MMD2: variants seen among roughly 807,000 people sequenced by gnomAD.
MMD2 encodes monocyte to macrophage differentiation associated 2, also known as monocyte to macrophage differentiation factor 2.
A neutral mutation model predicts 33.5 loss-of-function variants in MMD2; 30 were observed. The ratio of observed to expected loss-of-function variants is 0.90; its 90% CI spans 0.67 to 1.22. The LOEUF is 1.22. Among genes scored for constraint, MMD2 ranks in the 50% most tolerant of loss-of-function variants. The probability of loss-of-function intolerance (pLI) is 0.00; values close to 1 mark genes in which losing one functional copy is unlikely to be tolerated. For missense variants in MMD2, 364 were observed against 325.4 expected, an observed-to-expected ratio of 1.12 and a Z score of -0.91; for synonymous variants, 129 against 123.0, an observed-to-expected ratio of 1.05 and a Z score of -0.32.
At chr7:4,939,060 A>G (rs1170243711) in intron 1 of MMD2, among the ~76,000 whole-genome samples, 1 of 152,148 alleles carries the variant, frequency 6.6e-6, no homozygotes. Flanking sequence ...ATACAAAACA[A>G]TTAGCTGAGC....
At chr7:4,938,202 G>T (rs1250426735) in intron 1 of MMD2, among the ~76,000 whole-genome samples, 4 of 151,098 alleles carry the variant, frequency 2.6e-5, no homozygotes, top group Admixed American at 6.6e-5. Context: ...GTAGAGACGG[G>T]GTTTTGCCAT....
At chr7:4,897,278 T>A in the MMD2 span, among the ~76,000 whole-genome samples, 2 of 136,066 alleles carry the variant, frequency 1.5e-5, no homozygotes, top group African/African-American at 3.3e-5. Context: ...GACATCTTGA[T>A]TTTTTTTTTT....
chr7:4,932,239 G>T (rs1785607720), intron 1 of MMD2, among the ~76,000 whole-genome samples: 1 of 152,132 alleles, frequency 6.6e-6, no homozygotes, highest in Non-Finnish European at 1.5e-5. Flanking sequence ...TGGCGGAGAG[G>T]GGAGAGGGAG....
At chr7:4,924,865 C>G (rs575052008) in intron 2 of MMD2, among the ~76,000 whole-genome samples, 1 of 152,042 alleles carries the variant, frequency 6.6e-6, no homozygotes, top group African/African-American at 2.4e-5. Context: ...CGTGGACAGA[C>G]GGGCTAGGAG....
chr7:4,924,170 G>T (rs1052383428), intron 2 of MMD2, among the ~76,000 whole-genome samples: 8 of 151,362 alleles, frequency 5.3e-5, no homozygotes, highest in Admixed American at 4.6e-4. Flanking sequence ...CCAGCCTGGG[G>T]AACAGAGCGA....
intron 1 of MMD2, among the ~76,000 whole-genome samples, chr7:4,930,597 T>C (rs1785554651): frequency 6.8e-6 from 1 of 146,770 alleles, no homozygotes; most frequent in African/African-American, 2.6e-5. Context: ...TGAGCCAAGA[T>C]CGTGCCACTG....
intron 1 of MMD2, among the ~76,000 whole-genome samples, chr7:4,936,901 AT>A (rs1297114582): frequency 6.6e-6 from 1 of 151,044 alleles, no homozygotes; most frequent in Non-Finnish European, 1.5e-5. Context: ...CACCTGGCTA[AT>A]TTTTTTTATT....
rs144487746 is a variant in MMD2, at chr7:4,906,123, G to C, written c.*1273C>G. 2.2e-3 allele frequency: 419 copies of C among 187,916 alleles called. 3 individuals are homozygous for C. Among genetic ancestry groups the C allele is most frequent in the African/African-American group, 8.4e-3 (362 of 43,158 alleles). The allele number at this position is 187,916 out of a possible 1,614,324, so 11.6% of individuals were successfully genotyped here. ...GTCTGTGCCCACTCCACCCTGGTTGGGAGTCGCAGAATGAGGACCTCCTGA... is the reference window on the plus strand; with the variant it reads ...GTCTGTGCCCACTCCACCCTGGTTGCGAGTCGCAGAATGAGGACCTCCTGA... On this transcript the variant is annotated 3_prime_UTR_variant, in exon 7 of 7. Transcript: ENST00000401401.
chr7:4,906,851 G>T lies in MMD2; in HGVS notation c.*545C>A. The T allele has an allele frequency of 3.4e-6, 1 of 297,494 alleles. No homozygotes were observed. Among genetic ancestry groups the T allele is most frequent in the Non-Finnish European group, 6.2e-6 (1 of 160,612 alleles). 18.4% of individuals were successfully genotyped at this position (297,494 alleles called of 1,614,324 possible). On this transcript the variant is annotated 3_prime_UTR_variant, in exon 7 of 7. Transcript: ENST00000401401. ...TACTGGCTGCCCAGAACACTGTGCT[G>T]GGAAGAATTCTGACATCACCCATGT...
chr7:4,904,201 G>A (rs1451125039), downstream of MMD2, among the ~76,000 whole-genome samples: 1 of 152,168 alleles, frequency 6.6e-6, no homozygotes, highest in Non-Finnish European at 1.5e-5. Context: ...CCAAAGTGCT[G>A]GAATTACAGG....
At chr7:4,947,164 C>T (rs111810609) in intron 1 of MMD2, among the ~76,000 whole-genome samples, 7,001 of 151,640 alleles carry the variant, frequency 0.046, 536 homozygotes, top group African/African-American at 0.16. Flanking sequence ...GCTGAGATGG[C>T]GCCACTGCAC....
chr7:4,909,160 G>C (rs767811813), intron 6 of MMD2, among the ~76,000 whole-genome samples: 2 of 152,076 alleles, frequency 1.3e-5, no homozygotes, highest in Admixed American at 1.3e-4. Context: ...CTGGCCCCCA[G>C]ATGTGAGTAC....
At chr7:4,930,654 A>G (rs1785556376) in intron 1 of MMD2, among the ~76,000 whole-genome samples, 1 of 151,412 alleles carries the variant, frequency 6.6e-6, no homozygotes, top group Non-Finnish European at 1.5e-5. Flanking sequence ...CCAAAAAAAA[A>G]AGAGGAAAGA....
In MMD2 at chr7:4,925,490, G is replaced by T. The variant is rs1250476896; in HGVS notation, c.90C>A (p.Pro30=). 1 of 1,580,682 alleles carries T rather than the reference G, an allele frequency of 6.3e-7. No individual in the cohort carries two copies. Among genetic ancestry groups the T allele is most frequent in the South Asian group, 1.2e-5 (1 of 86,780 alleles). Residue 30 remains proline, a synonymous_variant, in exon 2 of 7, where the codon CCC becomes CCA. Transcript: ENST00000401401. The stretch of plus-strand genomic sequence containing the variant: ...AGTTGGCCGCATGTTCATACTCTGT[G>T]GGCTGGTACCTCTTGTGGGCAGGGA... ...HRVPAHKRYQ[P]TEYEHAANCA...
chr7:4,933,396 T>C (rs185925249), intron 1 of MMD2, among the ~76,000 whole-genome samples: 17 of 152,278 alleles, frequency 1.1e-4, no homozygotes, highest in Non-Finnish European at 1.8e-4. Flanking sequence ...AAATTTGTTT[T>C]ATACTAAAAG....
rs545976023 is a variant in MMD2, at chr7:4,940,480, A to C, written c.48-14948T>G. Reference sequence around the variant, plus strand: ...GAGAGATTTGCCCGGGCTCCTACACAAAGGGGGTTCTGTCCGTCTGTCCCA... The same window carrying C: ...GAGAGATTTGCCCGGGCTCCTACACCAAGGGGGTTCTGTCCGTCTGTCCCA... On this transcript the variant is annotated intron_variant, in intron 1 of 6. Coordinates refer to ENST00000401401, the MANE Select transcript of MMD2 (RefSeq NM_198403.4). This position sits in a 1 kb window ranked among gnomAD's most constrained non-coding sequence, Gnocchi z 5.0. 2.0e-5 allele frequency among the ~76,000 whole-genome samples: 3 copies of C among 152,176 alleles called. No homozygotes were observed. The highest frequency in any genetic ancestry group is 6.5e-5 in the Admixed American group (1 of 15,290).
intron 2 of MMD2, among the ~76,000 whole-genome samples, chr7:4,922,373 C>G (rs561787124): frequency 6.6e-6 from 1 of 152,158 alleles, no homozygotes; most frequent in Admixed American, 6.6e-5. Flanking sequence ...AGTTTGAGAC[C>G]AGTCTGGTCA....
chr7:4,910,156 C>A, intron 5 of MMD2: 1 of 1,115,186 alleles, frequency 9.0e-7, no homozygotes, highest in Non-Finnish European at 1.3e-6. Context: ...GGGCACTTTC[C>A]CTCCCTGAGA....
chr7:4,932,431 A>G (rs1437817685), intron 1 of MMD2, among the ~76,000 whole-genome samples: 5 of 152,000 alleles, frequency 3.3e-5, no homozygotes, highest in African/African-American at 7.3e-5. Flanking sequence ...ATAAAGCAAA[A>G]TTTCCTCTTT....
Sources: allele counts gnomAD v4.1 joint callset (sites outside exome capture counted in the v4.1 genomes callset), GRCh38; gene constraint gnomAD v4.1.1; non-coding constraint Gnocchi (gnomAD v3.1); transcripts MANE v1.5; gene names NCBI Gene and HGNC (gene_info 2026-07-23, HGNC 2026-07-21).